The following PALS2 variants were observed in gnomAD, a reference collection of about 807,000 sequenced individuals.
PALS2 encodes protein PALS2.
PALS2 carries 27 observed loss-of-function variants against 61.6 expected under a neutral mutation model. The ratio of observed to expected loss-of-function variants is 0.44; its 90% CI spans 0.32 to 0.60. The LOEUF is 0.60. Ranked by LOEUF, PALS2 falls within the 20% of genes least tolerant of loss-of-function variation. The probability of loss-of-function intolerance (pLI) is 0.05; values close to 1 mark genes in which losing one functional copy is unlikely to be tolerated. For synonymous variants in PALS2, 236 were observed against 218.6 expected (o/e 1.08, Z -0.70); for missense variants, 554 against 639.4 (o/e 0.87, Z 1.44).
At chr7:24,595,619 T>C (rs1783495297) in intron 1 of PALS2, among the ~76,000 whole-genome samples, 1 of 145,374 alleles carries the variant, frequency 6.9e-6, no homozygotes, top group Non-Finnish European at 1.5e-5. Context: ...CTACTGTGTG[T>C]CAAGCACTGT....
chr7:24,602,161 TTTTC>T (rs1783742447), intron 1 of PALS2, among the ~76,000 whole-genome samples: 2 of 152,074 alleles, frequency 1.3e-5, no homozygotes, highest in Non-Finnish European at 2.9e-5. Context: ...CCATTGAATT[TTTTC>T]TTTCTGCTTT....
At chr7:24,681,914 A>G (rs1307480149) in intron 11 of PALS2, among the ~76,000 whole-genome samples, 3 of 152,160 alleles carry the variant, frequency 2.0e-5, no homozygotes, top group Admixed American at 6.5e-5. Context: ...TTCTGAACGT[A>G]TGAAACATAG....
At position 24,585,709 on chromosome 7, in the gene PALS2, A is replaced by T. The variant is rs181530081; in HGVS notation, c.-3+12116A>T. Among the ~76,000 whole-genome samples the T allele has an allele frequency of 6.4e-3, 977 of 151,888 alleles. 7 individuals are homozygous for T. The highest frequency in any genetic ancestry group is 0.025 in the South Asian group (118 of 4,798). Reference sequence around the variant, plus strand: ...AGACTGCACATTTATTTATTTATTTATTTTTTTGAGACGGAGTCTCACACT... The same window carrying T: ...AGACTGCACATTTATTTATTTATTTTTTTTTTTGAGACGGAGTCTCACACT... On this transcript the variant is annotated intron_variant, in intron 1 of 11. Coordinates refer to ENST00000222644, the MANE Select transcript of PALS2 (RefSeq NM_001303037.2).
chr7:24,594,588 G>A (rs1440983600), intron 1 of PALS2, among the ~76,000 whole-genome samples: 2 of 152,036 alleles, frequency 1.3e-5, no homozygotes, highest in Non-Finnish European at 2.9e-5. Context: ...ATGTCTCAGG[G>A]ATTAAGGAGG....
In PALS2 at chr7:24,687,725, G is replaced by T; in HGVS notation, c.*111G>T. The T allele has an allele frequency of 1.8e-6, 2 of 1,085,754 alleles. No homozygotes were observed. The highest frequency in any genetic ancestry group is 2.6e-6 in the Non-Finnish European group (2 of 780,288). 67.3% of individuals were successfully genotyped at this position (1,085,754 alleles called of 1,614,324 possible). Reference sequence around the variant, plus strand: ...ATAGAAGATTATCTGCTAAGTCCAGGCATTTTTATGGTGTAGATTGAAATA... The same window carrying T: ...ATAGAAGATTATCTGCTAAGTCCAGTCATTTTTATGGTGTAGATTGAAATA... On this transcript the variant is annotated 3_prime_UTR_variant, in exon 12 of 12. Coordinates refer to ENST00000222644, the MANE Select transcript of PALS2 (RefSeq NM_001303037.2). The surrounding 1 kb of genome is among the most constrained non-coding windows in gnomAD (Gnocchi z 4.5).
At chr7:24,614,032 G>A (rs1173553317) in intron 1 of PALS2, among the ~76,000 whole-genome samples, 2 of 151,830 alleles carry the variant, frequency 1.3e-5, no homozygotes, top group African/African-American at 4.8e-5. Flanking sequence ...ATTATGAATA[G>A]TGCTGCAGTA....
rs79508379 is a variant in PALS2, at chr7:24,611,858, A to T, written c.-2-11808A>T. Among the ~76,000 whole-genome samples the T allele has an allele frequency of 5.8e-3, 880 of 152,054 alleles. 29 individuals are homozygous for T. In the East Asian group the frequency reaches 0.09, roughly 16 times the overall value. On this transcript the variant is annotated intron_variant, in intron 1 of 11. Transcript: ENST00000222644. ...TGGTGCAAATTGAATCTAGCAATAT[A>T]TTAAAATGCTTATAAGCCATAAAAT...
chr7:24,648,289 CTT>C (rs1265008724), intron 3 of PALS2, among the ~76,000 whole-genome samples: 1,964 of 118,678 alleles, frequency 0.017, 35 homozygotes, highest in African/African-American at 0.058. Context: ...AAAAATTATT[CTT>C]TTTTTTTTTT....
chr7:24,636,872 C>G (rs545145050), intron 2 of PALS2, among the ~76,000 whole-genome samples: 1 of 151,988 alleles, frequency 6.6e-6, no homozygotes, highest in Non-Finnish European at 1.5e-5. Context: ...TGTATTTTGA[C>G]TTTGTCGATT....
At chr7:24,654,820 A>G (rs1786332684) in intron 5 of PALS2, among the ~76,000 whole-genome samples, 1 of 152,214 alleles carries the variant, frequency 6.6e-6, no homozygotes, top group Admixed American at 6.5e-5. Flanking sequence ...TGATGTTGGC[A>G]TAGGAAGAGA....
At chr7:24,662,962 G>A (rs1172176728) in intron 5 of PALS2, among the ~76,000 whole-genome samples, 1 of 152,034 alleles carries the variant, frequency 6.6e-6, no homozygotes, top group Non-Finnish European at 1.5e-5. Flanking sequence ...AAATGTAAAA[G>A]AAATGTGTAT....
intron 5 of PALS2, among the ~76,000 whole-genome samples, chr7:24,662,695 G>A (rs1164033790): frequency 1.3e-5 from 2 of 150,044 alleles, no homozygotes; most frequent in African/African-American, 4.9e-5. Flanking sequence ...CTTGAACCTG[G>A]GAGGCGGAGG....
intron 5 of PALS2, among the ~76,000 whole-genome samples, chr7:24,658,588 C>T (rs765198042): frequency 4.1e-5 from 6 of 147,812 alleles, no homozygotes; most frequent in Admixed American, 2.0e-4. Flanking sequence ...GACAGAGTCT[C>T]GCTCTGTTGC....
rs111450708 is a variant in PALS2, at chr7:24,689,590, T to C, written c.*1976T>C. ...ATCTATAGGTTTTTCTTTTTTTTTT[T>C]TTTTTTCTTTTTTTGATTCTAGATT... On this transcript the variant is annotated 3_prime_UTR_variant, in exon 12 of 12. Transcript: ENST00000222644. 4.0e-5 allele frequency: 6 copies of C among 151,282 alleles called. No individual in the cohort carries two copies. The highest frequency in any genetic ancestry group is 1.2e-4 in the African/African-American group (5 of 41,280). The allele number at this position is 151,282 out of a possible 1,614,324, so 9.4% of individuals were successfully genotyped here. A position where few individuals can be genotyped will look rare whatever the true frequency, so the allele number is the denominator to read the frequency against.
At position 24,641,818 on chromosome 7, in the gene PALS2, G is replaced by A. The variant is rs267601470; in HGVS notation, c.220G>A (p.Asp74Asn). Reference protein sequence around the residue: ...LEDITPLINVDENVAELVGIL... With the variant: ...LEDITPLINVNENVAELVGIL... ...AGACATCACTCCTCTAATAAATGTG[G>A]ATGAAAATGTGGCAGAATTGGTTGG... Residue 74 changes from aspartate (D) to asparagine (N), a missense_variant, in exon 3 of 12, where the codon GAT (aspartate) becomes AAT (asparagine). Coordinates refer to ENST00000222644, the MANE Select transcript of PALS2 (RefSeq NM_001303037.2). 1.2e-6 allele frequency: 2 copies of A among 1,613,060 alleles called. No homozygotes were observed. Among genetic ancestry groups the A allele is most frequent in the Non-Finnish European group, 1.7e-6 (2 of 1,179,630 alleles).
intron 5 of PALS2, among the ~76,000 whole-genome samples, chr7:24,662,496 C>T (rs934049924): frequency 1.3e-5 from 2 of 152,058 alleles, no homozygotes; most frequent in Non-Finnish European, 2.9e-5. Context: ...GGGCTGGGCG[C>T]AGTGGCTTAT....
At chr7:24,623,197 TC>T (rs2128057371) in intron 1 of PALS2, among the ~76,000 whole-genome samples, 1 of 150,230 alleles carries the variant, frequency 6.7e-6, no homozygotes, top group South Asian at 2.1e-4. Context: ...TTCCTTCTCT[TC>T]CGTTTTTTTT....
chr7:24,582,849 A>G (rs1478845495), intron 1 of PALS2, among the ~76,000 whole-genome samples: 1 of 130,060 alleles, frequency 7.7e-6, no homozygotes, highest in African/African-American at 2.9e-5. Flanking sequence ...AGTTTAATTT[A>G]TTAAAGTTGC....
At chr7:24,656,781 C>CT (rs1264259642) in intron 5 of PALS2, among the ~76,000 whole-genome samples, 1 of 152,142 alleles carries the variant, frequency 6.6e-6, no homozygotes, top group Non-Finnish European at 1.5e-5. Context: ...ATCTGCCTGC[C>CT]TCAGCCTGCT....
Sources: allele counts gnomAD v4.1 joint callset (sites outside exome capture counted in the v4.1 genomes callset), GRCh38; gene constraint gnomAD v4.1.1; non-coding constraint Gnocchi (gnomAD v3.1); transcripts MANE v1.5; gene names NCBI Gene and HGNC (gene_info 2026-07-23, HGNC 2026-07-21).